The following HTRA1 variants were observed in gnomAD, a reference collection of about 807,000 sequenced individuals.
HTRA1 encodes the protein serine protease HTRA1.
A neutral mutation model predicts 49.7 loss-of-function variants in HTRA1; 26 were observed. The observed-to-expected ratio is 0.52, with a 90% confidence interval of 0.38 to 0.73. HTRA1 has a LOEUF of 0.73. Ranked by LOEUF, HTRA1 falls within the 30% of genes least tolerant of loss-of-function variation. The probability of loss-of-function intolerance (pLI) is 0.00; values close to 1 mark genes in which losing one functional copy is unlikely to be tolerated. For synonymous variants in HTRA1, 291 were observed against 286.9 expected, an observed-to-expected ratio of 1.01 and a Z score of -0.14; for missense variants, 561 against 667.2, an observed-to-expected ratio of 0.84 and a Z score of 1.75.
chr10:122,489,394 C>T (rs750975643), intron 2 of HTRA1, 28 bp from the exon 3 acceptor site: 18 of 1,603,434 alleles, frequency 1.1e-5, no homozygotes, highest in Non-Finnish European at 1.5e-5. Context: ...GTGCTACAGG[C>T]TTAAGTGTGT....
At chr10:122,477,242 C>T (rs2097488992) in intron 1 of HTRA1, among the ~76,000 whole-genome samples, 1 of 152,196 alleles carries the variant, frequency 6.6e-6, no homozygotes, top group Non-Finnish European at 1.5e-5. Context: ...GCTGGGATTA[C>T]AGGTGTGAGC....
chr10:122,508,528 C>T (rs1200810319), intron 5 of HTRA1, 128 bp from the exon 6 acceptor site: 2 of 770,342 alleles, frequency 2.6e-6, no homozygotes, highest in Non-Finnish European at 4.8e-6. Context: ...ACGGGGATCC[C>T]CTCCTTGCAT....
intron 1 of HTRA1, among the ~76,000 whole-genome samples, chr10:122,463,557 T>C (rs1452467078): frequency 6.6e-6 from 1 of 152,046 alleles, no homozygotes; most frequent in African/African-American, 2.4e-5. Context: ...TGCTGGAGTG[T>C]AGTGGTGTGA....
Position 122,461,554 on chromosome 10 carries a change from C to A in HTRA1, c.-99C>A. ...GGGCTGGGCCGCGCGGCCGCGCGCA[C>A]TCGCACCCGCTGCCCCCGAGGCCCT... On this transcript the variant is annotated 5_prime_UTR_variant, in exon 1 of 9. Transcript: ENST00000368984. 2 of 662,594 alleles carry A rather than the reference C, an allele frequency of 3.0e-6. No homozygotes were observed. The highest frequency in any genetic ancestry group is 4.3e-6 in the Non-Finnish European group (2 of 465,644). 41.0% of individuals were successfully genotyped at this position (662,594 alleles called of 1,614,324 possible).
intron 3 of HTRA1, among the ~76,000 whole-genome samples, chr10:122,499,304 G>C (rs574941260): frequency 3.9e-4 from 60 of 152,260 alleles, no homozygotes; most frequent in African/African-American, 1.4e-3. Context: ...TGCGCTCACT[G>C]TCCCATAAAT....
chr10:122,480,156 G>C (rs534985858), intron 1 of HTRA1, among the ~76,000 whole-genome samples: 2 of 152,222 alleles, frequency 1.3e-5, no homozygotes, highest in Non-Finnish European at 2.9e-5. Flanking sequence ...GGACATTCAT[G>C]ATCTGAAGTC....
At chr10:122,465,498 A>C in intron 1 of HTRA1, among the ~76,000 whole-genome samples, 1 of 152,152 alleles carries the variant, frequency 6.6e-6, no homozygotes, top group Non-Finnish European at 1.5e-5. Context: ...GTCCCACACA[A>C]CTGGATGGAG....
Position 122,507,421 on chromosome 10 carries a change from A to G in HTRA1, c.1005+19A>G, listed in dbSNP as rs540881121. 24 of 1,583,472 alleles carry G rather than the reference A, an allele frequency of 1.5e-5. No individual in the cohort carries two copies. In the South Asian group the frequency reaches 1.8e-4, roughly 12 times the overall value. On this transcript the variant is annotated intron_variant, in intron 5 of 8. Coordinates refer to ENST00000368984, the MANE Select transcript of HTRA1 (RefSeq NM_002775.5). Reference sequence around the variant, plus strand: ...AAACCTGGTAAGGTCTTTTAAACCTATGTTAGGTCATTTGTTTTTATCTAT... The same window carrying G: ...AAACCTGGTAAGGTCTTTTAAACCTGTGTTAGGTCATTTGTTTTTATCTAT...
Position 122,489,422 on chromosome 10 carries a change from G to A in HTRA1, c.573G>A (p.Lys191=), listed in dbSNP as rs1051760290. The part of the protein sequence containing the change: ...PAVVHIELFR[K]LPFSKREVPV... ...AAGTGTGTACTCCTTTGGATTTTAG[G>A]CTTCCGTTTTCTAAACGAGAGGTGC... is the stretch of plus-strand genomic sequence containing the variant. Residue 191 remains lysine, a splice_region_variant and synonymous_variant, in exon 3 of 9, where the codon AAG becomes AAA. Coordinates refer to ENST00000368984, the MANE Select transcript of HTRA1 (RefSeq NM_002775.5). 1 of 1,614,046 alleles carries A rather than the reference G, an allele frequency of 6.2e-7. No homozygotes were observed. The highest frequency in any genetic ancestry group is 1.7e-5 in the Admixed American group (1 of 60,024).
intron 1 of HTRA1, among the ~76,000 whole-genome samples, chr10:122,463,506 CT>C (rs1258598875): frequency 2.0e-5 from 3 of 151,732 alleles, no homozygotes; most frequent in East Asian, 1.9e-4. Flanking sequence ...CTCTCTCTCT[CT>C]TTTTTTTTCT....
In HTRA1 at chr10:122,489,559, C is replaced by T. The variant is rs763151772; in HGVS notation, c.710C>T (p.Thr237Ile). Reference protein sequence around the residue: ...RVKVELKNGATYEAKIKDVDE... With the variant: ...RVKVELKNGAIYEAKIKDVDE... ...AAAGTTGAGCTGAAGAACGGTGCCA[C>T]TTACGAAGCCAAAATCAAGGATGTG... Residue 237 changes from threonine (T) to isoleucine (I), a missense_variant, in exon 3 of 9, where the codon ACT becomes ATT. Around this residue, in one of 3 missense-constraint regions of HTRA1, gnomAD observed 271 missense variants for 410.0 expected, o/e 0.66. Transcript: ENST00000368984. 12 of 1,614,058 alleles carry T rather than the reference C, an allele frequency of 7.4e-6. No individual in the cohort carries two copies. The highest frequency in any genetic ancestry group is 6.8e-6 in the Non-Finnish European group (8 of 1,180,040).
intron 5 of HTRA1, among the ~76,000 whole-genome samples, 174 bp from the exon 6 acceptor site, chr10:122,508,482 C>T (rs1278332774): frequency 2.0e-5 from 3 of 152,260 alleles, no homozygotes; most frequent in African/African-American, 7.2e-5. Context: ...GTGGCTCGCG[C>T]TGCCTGGGTG....
chr10:122,507,272 C>T (rs879571803), intron 4 of HTRA1, 98 bp from the exon 5 acceptor site: 9 of 934,896 alleles, frequency 9.6e-6, no homozygotes, highest in East Asian at 2.4e-5. Flanking sequence ...TCGTGCCCCC[C>T]ACTCTAGGCA....
intron 1 of HTRA1, among the ~76,000 whole-genome samples, chr10:122,484,636 A>G (rs536616408): frequency 6.6e-6 from 1 of 152,316 alleles, no homozygotes; most frequent in African/African-American, 2.4e-5. Context: ...AGCATTTCAT[A>G]TACAGTAGAT....
At chr10:122,471,013 A>G (rs1396555173) in intron 1 of HTRA1, among the ~76,000 whole-genome samples, 1 of 152,140 alleles carries the variant, frequency 6.6e-6, no homozygotes, top group East Asian at 1.9e-4. Context: ...CCAGAACATC[A>G]GCATCCCAAT....
rs1487551165 is a variant in HTRA1 at position 122,462,054 on chromosome 10, C to A, written c.402C>A (p.Ala134=). 1.3e-6 allele frequency: 2 copies of A among 1,533,496 alleles called. No homozygotes were observed. Among genetic ancestry groups the A allele is most frequent in the South Asian group, 2.4e-5 (2 of 83,928 alleles). 95.0% of individuals were successfully genotyped at this position (1,533,496 alleles called of 1,614,324 possible). A position where few individuals can be genotyped will look rare whatever the true frequency, so the allele number is the denominator to read the frequency against. ...NTYANLCQLR[A]ASRRSERLHR... ...ACGCCAACCTGTGCCAGCTGCGCGCCGCCAGCCGCCGCTCCGAGAGGCTGC... is the reference window on the plus strand; with the variant it reads ...ACGCCAACCTGTGCCAGCTGCGCGCAGCCAGCCGCCGCTCCGAGAGGCTGC... Residue 134 remains alanine (A), a synonymous_variant, in exon 1 of 9, where the codon GCC becomes GCA. Coordinates refer to ENST00000368984, the MANE Select transcript of HTRA1 (RefSeq NM_002775.5).
rs1330818029 is a variant in HTRA1, at chr10:122,514,760, G to A, written c.*401G>A. ...TGGTCGTGTTTGTGCTTTTCTCCAAGTCAGCACCCAAAGGTCAATGCACAG... is the reference window on the plus strand; with the variant it reads ...TGGTCGTGTTTGTGCTTTTCTCCAAATCAGCACCCAAAGGTCAATGCACAG... On this transcript the variant is annotated 3_prime_UTR_variant, in exon 9 of 9. Coordinates refer to ENST00000368984, the MANE Select transcript of HTRA1 (RefSeq NM_002775.5). 1.4e-5 allele frequency: 4 copies of A among 281,190 alleles called. No homozygotes were observed. Among genetic ancestry groups the A allele is most frequent in the Middle Eastern group, 1.2e-3 (1 of 828 alleles). The allele number at this position is 281,190 out of a possible 1,614,324, so 17.4% of individuals were successfully genotyped here.
At chr10:122,477,134 AT>A (rs1161265190) in intron 1 of HTRA1, among the ~76,000 whole-genome samples, 1 of 151,262 alleles carries the variant, frequency 6.6e-6, no homozygotes, top group Admixed American at 6.6e-5. Flanking sequence ...TGCCTGGCTA[AT>A]TTTTTGTATT....
chr10:122,496,014 C>A (rs923374185), intron 3 of HTRA1, among the ~76,000 whole-genome samples: 1 of 152,046 alleles, frequency 6.6e-6, no homozygotes, highest in Non-Finnish European at 1.5e-5. Context: ...CCACGTGGCC[C>A]GTGAAGCCAA....
Sources: gnomAD v4.1 joint callset for allele counts (sites outside exome capture counted in the v4.1 genomes callset) on GRCh38, gnomAD v4.1.1 for gene constraint, gnomAD v4.1.1 regional missense constraint, MANE v1.5 for transcripts, NCBI Gene and HGNC (gene_info 2026-07-23, HGNC 2026-07-21) for gene names.